KDM4C: variants seen among roughly 807,000 people sequenced by gnomAD.
KDM4C encodes lysine-specific demethylase 4C.
A neutral mutation model predicts 129.3 loss-of-function variants in KDM4C; 81 were observed. That is an observed-to-expected ratio of 0.63 (90% confidence interval 0.52 to 0.75). KDM4C has a LOEUF of 0.75. Among genes scored for constraint, KDM4C ranks in the 30% least tolerant of loss-of-function variants. The probability of loss-of-function intolerance (pLI) is 0.00; values close to 1 mark genes in which losing one functional copy is unlikely to be tolerated. For synonymous variants in KDM4C, 573 were observed against 456.1 expected (o/e 1.26, Z -3.26); for missense variants, 1,457 against 1,304.0 (o/e 1.12, Z -1.81).
chr9:7,060,060 C>T (rs994622506), intron 17 of KDM4C, among the ~76,000 whole-genome samples: 4 of 152,094 alleles, frequency 2.6e-5, no homozygotes, highest in African/African-American at 9.7e-5. Context: ...CTTTCTTCTT[C>T]AATCCAGTGT....
At chr9:7,052,696 C>T (rs907071386) in intron 17 of KDM4C, among the ~76,000 whole-genome samples, 2 of 152,162 alleles carry the variant, frequency 1.3e-5, no homozygotes, top group African/African-American at 4.8e-5. Flanking sequence ...AACTTCTGGT[C>T]AGCTGGGGAT....
chr9:7,015,892 G>T lies in KDM4C; in HGVS notation c.2222G>T (p.Trp741Leu). Reference protein sequence around the residue: ...GIPSHEICDGWLCARCKRNAW... With the variant: ...GIPSHEICDGLLCARCKRNAW... ...CCTTCTCATGAGATCTGTGATGGAT[G>T]GCTGTGTGCCCGGTGCAAAAGAAAT... Residue 741 changes from tryptophan (W) to leucine (L), a missense_variant, in exon 15 of 22, where the codon TGG becomes TTG. Physicochemically the swap from Trp to Leu is moderately conservative, Grantham distance 61. Coordinates refer to ENST00000381309, the MANE Select transcript of KDM4C (RefSeq NM_015061.6). 6.2e-7 allele frequency: 1 copy of T among 1,613,030 alleles called. No homozygotes were observed.
At chr9:6,865,237 T>A (rs1239929199) in intron 5 of KDM4C, among the ~76,000 whole-genome samples, 1 of 152,156 alleles carries the variant, frequency 6.6e-6, no homozygotes, top group Non-Finnish European at 1.5e-5. Flanking sequence ...CTCGATCTCC[T>A]GACCTCGTGA....
chr9:6,861,767 TTTC>T (rs1182252975), intron 5 of KDM4C, among the ~76,000 whole-genome samples: 3 of 151,808 alleles, frequency 2.0e-5, no homozygotes, highest in African/African-American at 4.8e-5. Flanking sequence ...ACAATATATA[TTTC>T]TTTCTTTCTT....
chr9:6,799,183 A>G (rs375672052), intron 2 of KDM4C, among the ~76,000 whole-genome samples: 1 of 152,184 alleles, frequency 6.6e-6, no homozygotes, highest in African/African-American at 2.4e-5. Context: ...CAGAGGCTGC[A>G]ATCTCGGCAC....
chr9:6,807,607 A>G (rs1383738614), intron 3 of KDM4C, among the ~76,000 whole-genome samples: 7 of 148,306 alleles, frequency 4.7e-5, no homozygotes, highest in Non-Finnish European at 7.5e-5. Context: ...GTTTCTGCCC[A>G]GCCGCCCCGT....
At chr9:6,920,143 G>T (rs1821209907) in intron 8 of KDM4C, among the ~76,000 whole-genome samples, 1 of 152,104 alleles carries the variant, frequency 6.6e-6, no homozygotes. Context: ...AATTTGGTGG[G>T]CAGGGGGCTA....
chr9:6,823,387 T>C (rs1165131483), intron 4 of KDM4C, among the ~76,000 whole-genome samples: 2 of 152,180 alleles, frequency 1.3e-5, no homozygotes, highest in African/African-American at 2.4e-5. Flanking sequence ...AATAAACCTA[T>C]GGGATAGCAT....
intron 8 of KDM4C, among the ~76,000 whole-genome samples, chr9:6,924,077 T>A (rs1211603784): frequency 6.6e-6 from 1 of 152,216 alleles, no homozygotes; most frequent in African/African-American, 2.4e-5. Context: ...AAAGCTCAGA[T>A]ATGGTAATCC....
intron 8 of KDM4C, among the ~76,000 whole-genome samples, chr9:6,927,717 A>C (rs1348447120): frequency 2.0e-5 from 3 of 152,166 alleles, no homozygotes. Context: ...AACCCTCCAC[A>C]CAAGTGAACA....
At chr9:7,095,906 T>A (rs1836376203) in intron 17 of KDM4C, among the ~76,000 whole-genome samples, 1 of 152,208 alleles carries the variant, frequency 6.6e-6, no homozygotes, top group Non-Finnish European at 1.5e-5. Flanking sequence ...TAATTTCAAA[T>A]AATGGAATTT....
intron 17 of KDM4C, among the ~76,000 whole-genome samples, chr9:7,098,923 G>A (rs1003064504): frequency 1.3e-5 from 2 of 152,066 alleles, no homozygotes; most frequent in Non-Finnish European, 1.5e-5. Flanking sequence ...ATTCTATTAC[G>A]AACCCTGTAT....
intron 8 of KDM4C, among the ~76,000 whole-genome samples, chr9:6,904,602 G>A (rs991279170): frequency 1.3e-5 from 2 of 152,274 alleles, no homozygotes; most frequent in South Asian, 2.1e-4. Context: ...TTGTTGATGG[G>A]CTGTGTCCAC....
rs1396979117 is a variant in KDM4C, at chr9:6,781,284, A to G, written c.-17-11688A>G. On this transcript the variant is annotated intron_variant, in intron 1 of 21. Transcript: ENST00000381309. ...CATCATGAACAATGAACTAGTAAAT[A>G]CTGAAATGTTGCTCCTAGTGGAAGT... Among the ~76,000 whole-genome samples, 4 of 152,218 alleles carry G rather than the reference A, an allele frequency of 2.6e-5. No individual in the cohort carries two copies. In the East Asian group the frequency reaches 7.7e-4, roughly 29 times the overall value.
At chr9:6,779,680 C>G (rs1319694695) in intron 1 of KDM4C, among the ~76,000 whole-genome samples, 1 of 152,192 alleles carries the variant, frequency 6.6e-6, no homozygotes, top group Non-Finnish European at 1.5e-5. Context: ...CAACAGTGCT[C>G]TAACACCAGT....
intron 15 of KDM4C, among the ~76,000 whole-genome samples, chr9:7,021,648 C>T (rs758118991): frequency 1.3e-5 from 2 of 152,178 alleles, no homozygotes; most frequent in Non-Finnish European, 2.9e-5. Context: ...TGTGCAGAAG[C>T]TTTTAAACTT....
rs191207312 is a variant in KDM4C, at chr9:7,067,709, C to T, written c.2424+18509C>T. On this transcript the variant is annotated intron_variant, in intron 17 of 21. Transcript: ENST00000381309. ...TTATCTTCAAAATATTTTTAAAAAC[C>T]GAAGTGTATAAAATCCAAAATGAAA... Among the ~76,000 whole-genome samples, 786 of 152,106 alleles carry T rather than the reference C, an allele frequency of 5.2e-3. 8 individuals are homozygous for T. Among genetic ancestry groups the T allele is most frequent in the Non-Finnish European group, 7.0e-3 (474 of 67,998 alleles).
intron 5 of KDM4C, among the ~76,000 whole-genome samples, chr9:6,862,980 A>T (rs1841235497): frequency 6.6e-6 from 1 of 152,148 alleles, no homozygotes; most frequent in African/African-American, 2.4e-5. Context: ...TGGTGTAATT[A>T]TCATTTATTT....
At chr9:7,044,676 A>T (rs575816960) in intron 15 of KDM4C, among the ~76,000 whole-genome samples, 3 of 151,944 alleles carry the variant, frequency 2.0e-5, no homozygotes, top group Admixed American at 6.6e-5. Flanking sequence ...TCAGTTTTGC[A>T]TGTGTGTTTG....
Sources: allele counts gnomAD v4.1 joint callset (sites outside exome capture counted in the v4.1 genomes callset), GRCh38; gene constraint gnomAD v4.1.1; transcripts MANE v1.5; gene names NCBI Gene and HGNC (gene_info 2026-07-23, HGNC 2026-07-21).